Variants in MUC5B observed in about 807,000 individuals in gnomAD.
MUC5B encodes the protein mucin 5B, oligomeric mucus/gel-forming.
In MUC5B, 116 loss-of-function variants were observed where a neutral mutation model predicts 376.9. The ratio of observed to expected loss-of-function variants is 0.31; its 90% CI spans 0.26 to 0.36. The LOEUF (loss-of-function observed/expected upper bound fraction) is 0.36. MUC5B is among the 10% of genes least tolerant of loss of function. MUC5B has a pLI of 1.00. For missense variants in MUC5B, 7,165 were observed against 7,769.9 expected (o/e 0.92, Z 2.93); for synonymous variants, 3,517 against 3,390.9 (o/e 1.04, Z -1.29).
rs369516705 is a variant in MUC5B at position 1,227,664 on chromosome 11, C to T, written c.668-11C>T. The T allele has an allele frequency of 1.4e-6, 1 of 718,144 alleles. No individual in the cohort carries two copies. 44.5% of individuals were successfully genotyped at this position (718,144 alleles called of 1,614,324 possible). On this transcript the variant is annotated splice_polypyrimidine_tract_variant and intron_variant, in intron 6 of 48. Coordinates refer to ENST00000529681, the MANE Select transcript of MUC5B (RefSeq NM_002458.3). ...CTCAGAGCCACCACACCCCTGCTTT[C>T]TTCCCGGCAGACGCCAGGCTGACCC...
chr11:1,240,371 G>A lies in MUC5B; in HGVS notation c.3966G>A (p.Thr1322=), dbSNP rs1248170995. Reference sequence around the variant, plus strand: ...CCACCGCCTGGGTCCCCCACTCCACGACAAGTAAGCCCTGCCTGGCTCTCC... The same window carrying A: ...CCACCGCCTGGGTCCCCCACTCCACAACAAGTAAGCCCTGCCTGGCTCTCC... ...TFTTAWVPHS[T]TSPALPVSTV... Residue 1322 remains threonine, a synonymous_variant, in exon 30 of 49, where the codon ACG becomes ACA. Transcript: ENST00000529681. The A allele has an allele frequency of 1.9e-6, 3 of 1,594,982 alleles. No homozygotes were observed. The highest frequency in any genetic ancestry group is 2.6e-6 in the Non-Finnish European group (3 of 1,167,470).
intron 11 of MUC5B, 148 bp from the exon 12 acceptor site, chr11:1,230,342 G>A (rs1861996532): frequency 4.6e-6 from 5 of 1,087,634 alleles, no homozygotes; most frequent in Admixed American, 2.7e-5. Flanking sequence ...CCCAGGCCCT[G>A]AGACAAGCTG....
intron 48 of MUC5B, among the ~76,000 whole-genome samples, chr11:1,260,985 T>C (rs1466959095): frequency 6.6e-6 from 1 of 152,166 alleles, no homozygotes. Context: ...CAGGTCCAGG[T>C]GTCCCCCTGG....
chr11:1,233,323 G>C (rs996108868), intron 18 of MUC5B, 55 bp downstream of exon 18: 1 of 1,456,872 alleles, frequency 6.9e-7, no homozygotes. Flanking sequence ...GCCACTTCCC[G>C]CCCTCCCCGA....
rs1192424600 is a variant in MUC5B, at chr11:1,252,798, C to T, written c.15046-11C>T. On this transcript the variant is annotated splice_polypyrimidine_tract_variant and intron_variant, in intron 32 of 48. Coordinates refer to ENST00000529681, the MANE Select transcript of MUC5B (RefSeq NM_002458.3). ...TGGTCCAGGTGAGGACGTGCATGTT[C>T]CCTGCCCCAGGTGAATGAGACCTGG... The T allele has an allele frequency of 3.8e-6, 6 of 1,598,258 alleles. No homozygotes were observed. Among genetic ancestry groups the T allele is most frequent in the Non-Finnish European group, 5.1e-6 (6 of 1,173,370 alleles).
At position 1,244,672 on chromosome 11, in the gene MUC5B, T is replaced by A; in HGVS notation, c.7792T>A (p.Ser2598Thr). The A allele has an allele frequency of 3.1e-6, 5 of 1,609,876 alleles. No individual in the cohort carries two copies. The highest frequency in any genetic ancestry group is 4.2e-6 in the Non-Finnish European group (5 of 1,178,010). The change falls in exon 31 of 49, where the codon TCC becomes ACC. Residue 2598 changes from serine to threonine, a missense_variant. Transcript: ENST00000529681. The part of the protein sequence containing the change: ...GATGSVATPS[S>T]TPGTAHTTKV... ...CACCGGCTCTGTGGCCACCCCCTCC[T>A]CCACCCCAGGAACAGCTCACACTAC...
At position 1,246,230 on chromosome 11, in the gene MUC5B, G is replaced by C; in HGVS notation, c.9350G>C (p.Arg3117Thr). ...CTGACCACGAAGGCCACCACGACAAGGGCCACCAGTTCCATGTCCACCCCC... is the reference window on the plus strand; with the variant it reads ...CTGACCACGAAGGCCACCACGACAACGGCCACCAGTTCCATGTCCACCCCC... ...TVLTTKATTTRATSSMSTPSS... is the reference protein window; with the variant it reads ...TVLTTKATTTTATSSMSTPSS... Residue 3117 changes from arginine to threonine, a missense_variant, in exon 31 of 49, where the codon AGG becomes ACG. Physicochemically the swap from Arg to Thr is moderately conservative, Grantham distance 71. Around this residue, in one of 31 missense-constraint regions of MUC5B, gnomAD observed 939 missense variants for 770.6 expected, o/e 1.22. Transcript: ENST00000529681. 1 of 1,608,356 alleles carries C rather than the reference G, an allele frequency of 6.2e-7. No individual in the cohort carries two copies. Among genetic ancestry groups the C allele is most frequent in the African/African-American group, 1.4e-5 (1 of 73,090 alleles).
intron 16 of MUC5B, 36 bp downstream of exon 16, chr11:1,232,580 G>A: frequency 6.2e-7 from 1 of 1,603,576 alleles, no homozygotes; most frequent in South Asian, 1.1e-5. Flanking sequence ...CGCCTGGGCA[G>A]GATGGGTGGG....
Position 1,235,374 on chromosome 11 carries a change from C to G in MUC5B, c.2841C>G (p.Thr947=). ...CCGAGAACATCCCCTGTGGGACCAC[C>G]GGCACCACCTGCTCCAAGGCCATCA... The part of the protein sequence containing the change: ...IVTENIPCGT[T]GTTCSKAIKL... The change falls in exon 23 of 49, where the codon ACC becomes ACG. Residue 947 remains threonine (T), a synonymous_variant. Coordinates refer to ENST00000529681, the MANE Select transcript of MUC5B (RefSeq NM_002458.3). 2.5e-6 allele frequency: 4 copies of G among 1,612,602 alleles called. No individual in the cohort carries two copies. The highest frequency in any genetic ancestry group is 3.4e-6 in the Non-Finnish European group (4 of 1,179,752).
In MUC5B at chr11:1,238,939, C is replaced by T. The variant is rs370496068; in HGVS notation, c.3366C>T (p.Cys1122=). Residue 1122 remains cysteine (C), a synonymous_variant, in exon 26 of 49, where the codon TGC becomes TGT. Coordinates refer to ENST00000529681, the MANE Select transcript of MUC5B (RefSeq NM_002458.3). ...GTGCCTGCGACTCGGGTGGCGACTG[C>T]GAGTGTTTCTGCACGGCTGTGGCTG... is the stretch of plus-strand genomic sequence containing the variant. ...DACACDSGGD[C]ECFCTAVAAY... The T allele has an allele frequency of 1.1e-5, 17 of 1,575,804 alleles. No individual in the cohort carries two copies. Among genetic ancestry groups the T allele is most frequent in the Admixed American group, 3.7e-5 (2 of 54,518 alleles).
In MUC5B at chr11:1,258,386, G is replaced by A. The variant is rs1007720209; in HGVS notation, c.16593+19G>A. 2 of 1,611,486 alleles carry A rather than the reference G, an allele frequency of 1.2e-6. No homozygotes were observed. Among genetic ancestry groups the A allele is most frequent in the African/African-American group, 1.3e-5 (1 of 75,032 alleles). ...CTACGGGGTAAGGGCACAGCAGTGG[G>A]TGGGTGTGGCCCTGGGGCCTGAACA... is the stretch of plus-strand genomic sequence containing the variant. On this transcript the variant is annotated intron_variant, in intron 43 of 48. Coordinates refer to ENST00000529681, the MANE Select transcript of MUC5B (RefSeq NM_002458.3). The surrounding 1 kb of genome is among the most constrained non-coding windows in gnomAD (Gnocchi z 5.5).
At chr11:1,260,548 G>T in intron 47 of MUC5B, 78 bp from the exon 48 acceptor site, 1 of 1,482,590 alleles carries the variant, frequency 6.7e-7, no homozygotes, top group East Asian at 2.3e-5. Flanking sequence ...TGGTCCCATG[G>T]GGAGGGTCGG....
chr11:1,231,597 T>A (rs1862030479), intron 14 of MUC5B, 37 bp downstream of exon 14: 1 of 1,539,244 alleles, frequency 6.5e-7, no homozygotes, highest in Non-Finnish European at 8.7e-7. Flanking sequence ...ACAGGGCCAT[T>A]GGGGACGGGG....
At chr11:1,255,289 G>A in intron 36 of MUC5B, 23 bp downstream of exon 36, 1 of 1,506,698 alleles carries the variant, frequency 6.6e-7, no homozygotes, top group Non-Finnish European at 8.9e-7. Flanking sequence ...CTCGGGGGTT[G>A]CAGGCCCTGG....
intron 2 of MUC5B, 73 bp from the exon 3 acceptor site, chr11:1,226,132 G>T (rs1056837555): frequency 1.3e-5 from 18 of 1,437,500 alleles, no homozygotes; most frequent in Non-Finnish European, 1.6e-5. Flanking sequence ...GGCGAGGAGG[G>T]TGGGCCCCGG....
rs1430573050 is a variant in MUC5B, at chr11:1,250,394, C to G, written c.13514C>G (p.Thr4505Ser). The change falls in exon 31 of 49, where the codon ACT becomes AGT. Residue 4505 changes from threonine (T) to serine (S), a missense_variant. Physicochemically the swap from Thr to Ser is moderately conservative, Grantham distance 58. This residue lies in a region of MUC5B where 431 missense variants were observed against 390.4 expected (regional missense o/e 1.10). Transcript: ENST00000529681. ...ATPSSSPGTA[T>S]ALPALRSTAT... ...CCCTCCTCCAGTCCAGGGACTGCAA[C>G]TGCCCTTCCAGCACTGAGAAGCACA... is the stretch of plus-strand genomic sequence containing the variant. 3 of 1,613,050 alleles carry G rather than the reference C, an allele frequency of 1.9e-6. No individual in the cohort carries two copies. In the Admixed American group the frequency reaches 5.0e-5, roughly 27 times the overall value.
Position 1,227,500 on chromosome 11 carries a change from C to T in MUC5B, c.667+102C>T, listed in dbSNP as rs923388818. On this transcript the variant is annotated intron_variant, in intron 6 of 48. Coordinates refer to ENST00000529681, the MANE Select transcript of MUC5B (RefSeq NM_002458.3). ...AGGGGGCGGAGTGGGGACCGGGCACCAGGCAGGGAGGGGCCACGAGGACTG... is the reference window on the plus strand; with the variant it reads ...AGGGGGCGGAGTGGGGACCGGGCACTAGGCAGGGAGGGGCCACGAGGACTG... 4 of 919,430 alleles carry T rather than the reference C, an allele frequency of 4.4e-6. 1 individual carries two copies. The highest frequency in any genetic ancestry group is 6.9e-6 in the Non-Finnish European group (4 of 580,666). 57.0% of individuals were successfully genotyped at this position (919,430 alleles called of 1,614,324 possible). A position where few individuals can be genotyped will look rare whatever the true frequency, so the allele number is the denominator to read the frequency against.
chr11:1,232,007 A>G lies in MUC5B; in HGVS notation c.1690A>G (p.Asn564Asp). 1 of 1,612,688 alleles carries G rather than the reference A, an allele frequency of 6.2e-7. No homozygotes were observed. The highest frequency in any genetic ancestry group is 1.3e-5 in the African/African-American group (1 of 75,058). Residue 564 changes from asparagine (N) to aspartate (D), a missense_variant, in exon 15 of 49, where the codon AAC becomes GAC. By Grantham distance (23) the Asn-to-Asp change is conservative. Coordinates refer to ENST00000529681, the MANE Select transcript of MUC5B (RefSeq NM_002458.3). The part of the protein sequence containing the change: ...HQGQMCGLCG[N>D]FNQNQADDFT... ...ACCCTGGCCCCCAGGCCTGTGTGGGAACTTCAACCAGAACCAGGCTGACGA... is the reference window on the plus strand; with the variant it reads ...ACCCTGGCCCCCAGGCCTGTGTGGGGACTTCAACCAGAACCAGGCTGACGA...
In MUC5B at chr11:1,260,393, G is replaced by A. The variant is rs1862967769; in HGVS notation, c.16966G>A (p.Asp5656Asn). Residue 5656 changes from aspartate to asparagine, a missense_variant and splice_region_variant, in exon 47 of 49, where the codon GAC (aspartate) becomes AAC (asparagine). By Grantham distance (23) the Asp-to-Asn change is conservative. This residue lies in a region of MUC5B where 842 missense variants were observed against 1,016.9 expected (regional missense o/e 0.83). Transcript: ENST00000529681. Reference protein sequence around the residue: ...KTGCCYSCEEDSCQVRINTTI... With the variant: ...KTGCCYSCEENSCQVRINTTI... Reference sequence around the variant, plus strand: ...CGGCTGCTGCTACTCCTGTGAGGAGGGTAAGTGGAAGCCACCTTCCCACAC... The same window carrying A: ...CGGCTGCTGCTACTCCTGTGAGGAGAGTAAGTGGAAGCCACCTTCCCACAC... The A allele has an allele frequency of 1.2e-6, 2 of 1,612,416 alleles. No homozygotes were observed. Among genetic ancestry groups the A allele is most frequent in the African/African-American group, 1.3e-5 (1 of 74,932 alleles).
Sources: allele counts gnomAD v4.1 joint callset (sites outside exome capture counted in the v4.1 genomes callset), GRCh38; gene constraint gnomAD v4.1.1; regional missense constraint gnomAD v4.1.1; non-coding constraint Gnocchi (gnomAD v3.1); transcripts MANE v1.5; gene names NCBI Gene and HGNC (gene_info 2026-07-23, HGNC 2026-07-21).